EPHB2: variants seen among roughly 807,000 people sequenced by gnomAD.
The protein encoded by EPHB2 is EPH receptor B2.
Under a neutral mutation model 96.4 loss-of-function variants are expected in EPHB2, and 18 were observed. The observed-to-expected ratio is 0.19, with a 90% CI of 0.13 to 0.28. The LOEUF (loss-of-function observed/expected upper bound fraction) is 0.28, where lower values mean the gene tolerates loss of function less well. Among genes scored for constraint, EPHB2 ranks in the 10% least tolerant of loss-of-function variants. EPHB2 has a pLI of 1.00. For synonymous variants in EPHB2, 506 were observed against 534.1 expected (o/e 0.95, Z 0.72); for missense variants, 989 against 1,355.4 (o/e 0.73, Z 4.25).
chr1:22,864,034 C>CTTTT (rs201727615), intron 4 of EPHB2, among the ~76,000 whole-genome samples: 19 of 131,174 alleles, frequency 1.4e-4, no homozygotes, highest in African/African-American at 4.0e-4. Context: ...AGTTTCTGTT[C>CTTTT]TTTTTTTTTT....
chr1:22,889,075 T>C (rs369909205), intron 6 of EPHB2, among the ~76,000 whole-genome samples: 27 of 152,214 alleles, frequency 1.8e-4, no homozygotes, highest in African/African-American at 6.5e-4. Flanking sequence ...GGATCGCTTG[T>C]GTCTGGGAGG....
rs549459711 is a variant in EPHB2, at chr1:22,882,435, C to A, written c.1380C>A (p.Asp460Glu). ...TTACCCTGTCGTGGTCCCAGCCGGA[C>A]CAGCCCAATGGCGTGATCCTGGACT... ...DSITLSWSQP[D>E]QPNGVILDYE... is the part of the protein sequence containing the mutation. The change falls in exon 6 of 16, where the codon GAC becomes GAA. Residue 460 changes from aspartate to glutamate, a missense_variant. Transcript: ENST00000374630. 5.0e-6 allele frequency: 8 copies of A among 1,614,202 alleles called. No individual in the cohort carries two copies. Among genetic ancestry groups the A allele is most frequent in the Middle Eastern group, 1.7e-4 (1 of 6,056 alleles).
rs751678134 is a variant in EPHB2, at chr1:22,784,946, C to T, written c.681C>T (p.Ile227=). 29 of 1,613,828 alleles carry T rather than the reference C, an allele frequency of 1.8e-5. No homozygotes were observed. The Admixed American group carries it at 4.0e-4, about 22-fold the overall frequency. The part of the protein sequence containing the change: ...TSLVAARGSC[I]ANAEEVDVPI... The stretch of plus-strand genomic sequence containing the variant: ...TGGTGGCTGCCCGGGGCAGCTGCAT[C>T]GCCAATGCGGAAGAGGTGGATGTAC... The change falls in exon 3 of 16, where the codon ATC becomes ATT. Residue 227 remains isoleucine, a synonymous_variant. Transcript: ENST00000374630. This position sits in a 1 kb window ranked among gnomAD's most constrained non-coding sequence, Gnocchi z 5.1.
intron 14 of EPHB2, among the ~76,000 whole-genome samples, chr1:22,911,419 C>G (rs1308723972): frequency 6.6e-6 from 1 of 152,172 alleles, no homozygotes; most frequent in East Asian, 1.9e-4. Flanking sequence ...CCATAGGCAC[C>G]TGCACACACA....
intron 6 of EPHB2, among the ~76,000 whole-genome samples, chr1:22,886,366 A>G (rs1639225141): frequency 6.6e-6 from 1 of 152,162 alleles, no homozygotes; most frequent in South Asian, 2.1e-4. Context: ...AGGCTGGGCT[A>G]ATTGTCAAGG....
intron 3 of EPHB2, among the ~76,000 whole-genome samples, chr1:22,835,045 G>A (rs1323710403): frequency 6.6e-6 from 1 of 152,172 alleles, no homozygotes; most frequent in Non-Finnish European, 1.5e-5. Context: ...AGAATGATAA[G>A]AAAAGGAAAG....
intron 3 of EPHB2, among the ~76,000 whole-genome samples, chr1:22,849,749 T>C (rs1026546183): frequency 1.3e-5 from 2 of 152,178 alleles, no homozygotes; most frequent in Non-Finnish European, 2.9e-5. Flanking sequence ...TGAATGGTAT[T>C]GCCTCTTGGA....
chr1:22,739,943 C>T (rs138548075), intron 1 of EPHB2, among the ~76,000 whole-genome samples: 13 of 152,316 alleles, frequency 8.5e-5, no homozygotes, highest in African/African-American at 2.6e-4. Context: ...AGAATTCCCT[C>T]GTCGGCTCAG....
intron 1 of EPHB2, among the ~76,000 whole-genome samples, chr1:22,727,673 C>G (rs1643610984): frequency 6.6e-6 from 1 of 151,752 alleles, no homozygotes. Flanking sequence ...CATAAAACTC[C>G]TTCCAAGGGA....
chr1:22,865,319 T>C, intron 5 of EPHB2, 107 bp downstream of exon 5: 1 of 1,340,400 alleles, frequency 7.5e-7, no homozygotes, highest in Non-Finnish European at 1.1e-6. Context: ...TGATTTCTTC[T>C]TTTCAAAGGC....
chr1:22,896,502 G>A lies in EPHB2; in HGVS notation c.1765+24G>A, dbSNP rs148916387. ...CAGTATGTACACACCCAAGCGGGCT[G>A]GAACCCTTGGGCCCTTCACTGTCGG... On this transcript the variant is annotated intron_variant, in intron 9 of 15. Coordinates refer to ENST00000374630, the MANE Select transcript of EPHB2 (RefSeq NM_017449.5). 5.4e-4 allele frequency: 874 copies of A among 1,613,940 alleles called. 5 individuals are homozygous for A. In the African/African-American group the frequency reaches 9.4e-3, roughly 17 times the overall value.
At chr1:22,885,224 C>CAA (rs11435992) in intron 6 of EPHB2, among the ~76,000 whole-genome samples, 2,513 of 149,592 alleles carry the variant, frequency 0.017, 80 homozygotes, top group African/African-American at 0.056. Flanking sequence ...CCCCAAAAGG[C>CAA]AAAAAAAAAA....
intron 1 of EPHB2, among the ~76,000 whole-genome samples, chr1:22,714,431 A>T (rs1321603820): frequency 1.3e-5 from 2 of 152,196 alleles, no homozygotes; most frequent in Non-Finnish European, 2.9e-5. Flanking sequence ...TAAAAAAGGA[A>T]ATAGCATGTC....
intron 5 of EPHB2, among the ~76,000 whole-genome samples, chr1:22,870,260 C>T (rs997961577): frequency 1.6e-4 from 24 of 152,322 alleles, no homozygotes; most frequent in African/African-American, 4.8e-4. Flanking sequence ...CTTTGAACCA[C>T]GCTCTGCCTT....
intron 1 of EPHB2, among the ~76,000 whole-genome samples, chr1:22,773,316 C>T (rs1175270650): frequency 6.6e-6 from 1 of 152,158 alleles, no homozygotes; most frequent in Admixed American, 6.5e-5. Context: ...ATGGACAGTC[C>T]GGGTCAGGCC....
chr1:22,737,729 T>C (rs1643862387), intron 1 of EPHB2, among the ~76,000 whole-genome samples: 1 of 152,198 alleles, frequency 6.6e-6, no homozygotes, highest in Admixed American at 6.5e-5. Flanking sequence ...TCGTTGGGCC[T>C]CCAGTGCCTA....
rs1388430206 is a variant in EPHB2 at position 22,860,589 on chromosome 1, A to T, written c.812-2448A>T. Among the ~76,000 whole-genome samples the T allele has an allele frequency of 6.6e-6, 1 of 152,026 alleles. No individual in the cohort carries two copies. The highest frequency in any genetic ancestry group is 1.5e-5 in the Non-Finnish European group (1 of 68,004). ...GAGAGGCTGGCACCGCACAGAGGGG[A>T]GAGAGAGCAGCCACCCACTGGCGGC... On this transcript the variant is annotated intron_variant, in intron 3 of 15. Coordinates refer to ENST00000374630, the MANE Select transcript of EPHB2 (RefSeq NM_017449.5). This position sits in a 1 kb window ranked among gnomAD's most constrained non-coding sequence, Gnocchi z 4.6.
At chr1:22,731,541 A>G (rs555662448) in intron 1 of EPHB2, among the ~76,000 whole-genome samples, 1 of 152,196 alleles carries the variant, frequency 6.6e-6, no homozygotes, top group Non-Finnish European at 1.5e-5. Context: ...GTAAGTTCTC[A>G]ACAAATAACC....
chr1:22,885,188 A>G (rs939409147), intron 6 of EPHB2, among the ~76,000 whole-genome samples: 1 of 152,016 alleles, frequency 6.6e-6, no homozygotes, highest in African/African-American at 2.4e-5. Context: ...TGCTCCCCGC[A>G]GCAGGAATAG....
Sources: gnomAD v4.1 joint callset for allele counts (sites outside exome capture counted in the v4.1 genomes callset) on GRCh38, gnomAD v4.1.1 for gene constraint, Gnocchi (gnomAD v3.1) non-coding constraint, MANE v1.5 for transcripts, NCBI Gene and HGNC (gene_info 2026-07-23, HGNC 2026-07-21) for gene names.